Variants in TMEM222 observed in about 807,000 individuals in gnomAD.
TMEM222 encodes the protein chromosome 1 open reading frame 160.
In TMEM222, 18 loss-of-function variants were observed where a neutral mutation model predicts 25.1. That is an observed-to-expected ratio of 0.72 (90% confidence interval 0.50 to 1.06). TMEM222 has a LOEUF of 1.06. Ranked by LOEUF, TMEM222 falls within the 50% of genes least tolerant of loss-of-function variation. The pLI is 0.00. For missense variants in TMEM222, 296 were observed against 293.7 expected (o/e 1.01, Z -0.06); for synonymous variants, 131 against 117.9 (o/e 1.11, Z -0.72).
chr1:27,324,944 C>T (rs2014302681), intron 1 of TMEM222, among the ~76,000 whole-genome samples: 1 of 152,148 alleles, frequency 6.6e-6, no homozygotes, highest in African/African-American at 2.4e-5. Flanking sequence ...CCACCAGCCC[C>T]CACCTCCAAT....
At chr1:27,330,407 A>G (rs2014451477) in intron 1 of TMEM222, among the ~76,000 whole-genome samples, 1 of 152,002 alleles carries the variant, frequency 6.6e-6, no homozygotes, top group South Asian at 2.1e-4. Flanking sequence ...AAAAAAAAAA[A>G]AAGGTAGAAA....
At chr1:27,330,359 T>C (rs1232016765) in intron 1 of TMEM222, among the ~76,000 whole-genome samples, 6 of 150,934 alleles carry the variant, frequency 4.0e-5, no homozygotes, top group Non-Finnish European at 5.9e-5. Flanking sequence ...ATTGTGCCAC[T>C]GCACTCCAGC....
chr1:27,332,012 T>C lies in TMEM222; in HGVS notation c.280-58T>C, dbSNP rs564353078. 1.4e-4 allele frequency: 225 copies of C among 1,563,714 alleles called. 5 individuals carry two copies. In the South Asian group the frequency reaches 2.4e-3, roughly 17 times the overall value. On this transcript the variant is annotated intron_variant, in intron 2 of 5. Transcript: ENST00000374076. ...ACTGCACTTCTGCCACCTACCCAGG[T>C]TTGTCATCTGGCCCAAATGTAAGTT...
chr1:27,332,011 G>A, intron 2 of TMEM222, 59 bp from the exon 3 acceptor site: 3 of 1,600,788 alleles, frequency 1.9e-6, no homozygotes, highest in South Asian at 1.1e-5. Context: ...ACCTACCCAG[G>A]TTTGTCATCT....
intron 3 of TMEM222, chr1:27,333,143 C>T (rs945478758): frequency 1.1e-4 from 38 of 360,834 alleles, no homozygotes; most frequent in Admixed American, 1.4e-4. Flanking sequence ...GTAAACTCCC[C>T]GCGTGATGTG....
chr1:27,329,580 TA>T, intron 1 of TMEM222, among the ~76,000 whole-genome samples: 1 of 152,258 alleles, frequency 6.6e-6, no homozygotes, highest in Non-Finnish European at 1.5e-5. Context: ...TATTTCAATG[TA>T]TAACTATACC....
Position 27,322,194 on chromosome 1 carries a change from C to T in TMEM222, c.-4C>T. 1 of 1,389,386 alleles carries T rather than the reference C, an allele frequency of 7.2e-7. No homozygotes were observed. The highest frequency in any genetic ancestry group is 9.4e-7 in the Non-Finnish European group (1 of 1,061,042). 86.1% of individuals were successfully genotyped at this position (1,389,386 alleles called of 1,614,324 possible). On this transcript the variant is annotated 5_prime_UTR_variant, in exon 1 of 6. Coordinates refer to ENST00000374076, the MANE Select transcript of TMEM222 (RefSeq NM_032125.3). ...GGGGCCAGTCGGAGCGGGGCGCGCG[C>T]CGCATGGCGGAAGCGGAAGGGAGTT...
rs1467597637 is a variant in TMEM222 at position 27,333,942 on chromosome 1, C to T, written c.312-16C>T. The T allele has an allele frequency of 6.2e-7, 1 of 1,611,602 alleles. No homozygotes were observed. Among genetic ancestry groups the T allele is most frequent in the African/African-American group, 1.3e-5 (1 of 74,874 alleles). On this transcript the variant is annotated splice_polypyrimidine_tract_variant and intron_variant, in intron 3 of 5. Coordinates refer to ENST00000374076, the MANE Select transcript of TMEM222 (RefSeq NM_032125.3). ...AAGGAGCCAAGCAAGTGTCCAGAGC[C>T]CTTCTCTCCCCCCAGGTACTGGAAG...
intron 3 of TMEM222, chr1:27,332,859 G>A (rs1475665821): frequency 5.9e-6 from 2 of 337,088 alleles, no homozygotes; most frequent in South Asian, 3.1e-5. Flanking sequence ...TTCAAGGACA[G>A]TTTTAAGGGC....
At chr1:27,335,276 A>G (rs2014577614) in intron 5 of TMEM222, 103 bp from the exon 6 acceptor site, 1 of 1,190,096 alleles carries the variant, frequency 8.4e-7, no homozygotes, top group South Asian at 1.2e-5. Flanking sequence ...GGTTTTCCTT[A>G]GGGATGGCAG....
At chr1:27,327,634 C>T (rs781330283) in intron 1 of TMEM222, among the ~76,000 whole-genome samples, 24 of 152,224 alleles carry the variant, frequency 1.6e-4, no homozygotes, top group Non-Finnish European at 3.1e-4. Context: ...AGTCATCCAC[C>T]GGCCTCTGCC....
chr1:27,322,288 G>C lies in TMEM222; in HGVS notation c.91G>C (p.Glu31Gln). 6.4e-7 allele frequency: 1 copy of C among 1,559,760 alleles called. No individual in the cohort carries two copies. Among genetic ancestry groups the C allele is most frequent in the Non-Finnish European group, 8.7e-7 (1 of 1,150,946 alleles). The change falls in exon 1 of 6, where the codon GAG becomes CAG. Residue 31 changes from glutamate to glutamine, a missense_variant. Coordinates refer to ENST00000374076, the MANE Select transcript of TMEM222 (RefSeq NM_032125.3). ...MAEVEAPTAA[E>Q]TDMKQYQGSG... ...GGAAGTGGAGGCGCCGACGGCGGCC[G>C]AGACGGACATGAAGCAATATCAAGG...
intron 3 of TMEM222, chr1:27,333,140 C>T: frequency 2.8e-6 from 1 of 359,678 alleles, no homozygotes; most frequent in East Asian, 7.4e-5. Flanking sequence ...TGGGTAAACT[C>T]CCCGCGTGAT....
At chr1:27,329,672 TATA>T (rs1474762093) in intron 1 of TMEM222, among the ~76,000 whole-genome samples, 1 of 152,250 alleles carries the variant, frequency 6.6e-6, no homozygotes, top group Non-Finnish European at 1.5e-5. Flanking sequence ...ATAGTTTACA[TATA>T]ATAAAATGTA....
chr1:27,322,729 C>T (rs1383149670), intron 1 of TMEM222, among the ~76,000 whole-genome samples: 1 of 152,202 alleles, frequency 6.6e-6, no homozygotes, highest in African/African-American at 2.4e-5. Flanking sequence ...CTGGTTTATT[C>T]TCTCATTGAG....
In TMEM222 at chr1:27,335,824, G is replaced by A. The variant is rs530261671; in HGVS notation, c.*358G>A. 23 of 305,498 alleles carry A rather than the reference G, an allele frequency of 7.5e-5. No individual in the cohort carries two copies. In the Admixed American group the frequency reaches 8.5e-4, roughly 11 times the overall value. The allele number at this position is 305,498 out of a possible 1,614,324, so 18.9% of individuals were successfully genotyped here. A position where few individuals can be genotyped will look rare whatever the true frequency, so the allele number is the denominator to read the frequency against. ...AGTATGGGGAGAGGAGGACATTTGG[G>A]CTCACCTGTCAAGGTGGCCCTGGGA... is the stretch of plus-strand genomic sequence containing the variant. On this transcript the variant is annotated 3_prime_UTR_variant, in exon 6 of 6. Coordinates refer to ENST00000374076, the MANE Select transcript of TMEM222 (RefSeq NM_032125.3).
chr1:27,331,048 C>G lies in TMEM222; in HGVS notation c.279+244C>G. The G allele has an allele frequency of 2.8e-6, 4 of 1,415,756 alleles. No individual in the cohort carries two copies. The South Asian group carries it at 4.7e-5, about 17-fold the overall frequency. 87.7% of individuals were successfully genotyped at this position (1,415,756 alleles called of 1,614,324 possible). A position where few individuals can be genotyped will look rare whatever the true frequency, so the allele number is the denominator to read the frequency against. ...AGTAACTGACCCAGCCCTTTGCCCCCACCCCTGGGGTACCGAGACATGGGT... is the reference window on the plus strand; with the variant it reads ...AGTAACTGACCCAGCCCTTTGCCCCGACCCCTGGGGTACCGAGACATGGGT... On this transcript the variant is annotated intron_variant, in intron 2 of 5. Coordinates refer to ENST00000374076, the MANE Select transcript of TMEM222 (RefSeq NM_032125.3).
chr1:27,327,453 A>G (rs916569204), intron 1 of TMEM222, among the ~76,000 whole-genome samples: 32 of 152,292 alleles, frequency 2.1e-4, no homozygotes, highest in African/African-American at 7.2e-4. Flanking sequence ...CAGTGGCGTG[A>G]TCTCAGCTCA....
At chr1:27,322,470 C>G in intron 1 of TMEM222, 79 bp downstream of exon 1, 5 of 1,279,020 alleles carry the variant, frequency 3.9e-6, no homozygotes, top group Non-Finnish European at 5.1e-6. Context: ...GCCTCCGGCC[C>G]CAACGCGCAG....
Sources: allele counts gnomAD v4.1 joint callset (sites outside exome capture counted in the v4.1 genomes callset), GRCh38; gene constraint gnomAD v4.1.1; transcripts MANE v1.5; gene names NCBI Gene and HGNC (gene_info 2026-07-23, HGNC 2026-07-21).